RALGAPA2: variants seen among roughly 807,000 people sequenced by gnomAD.
RALGAPA2 encodes Ral GTPase activating protein catalytic subunit alpha 2, also known as ral GTPase-activating protein subunit alpha-2.
In RALGAPA2, 139 loss-of-function variants were observed where a neutral mutation model predicts 230.4. That is an observed-to-expected ratio of 0.60 (90% CI 0.53 to 0.69). RALGAPA2 has a LOEUF of 0.69. Among genes scored for constraint, RALGAPA2 ranks in the 30% least tolerant of loss-of-function variants. RALGAPA2 has a pLI of 0.00. For synonymous variants in RALGAPA2, 847 were observed against 837.8 expected (o/e 1.01, Z -0.19); for missense variants, 2,163 against 2,276.0 (o/e 0.95, Z 1.01).
intron 37 of RALGAPA2, among the ~76,000 whole-genome samples, chr20:20,431,870 A>G (rs1255988454): frequency 1.3e-5 from 2 of 152,214 alleles, no homozygotes; most frequent in East Asian, 1.9e-4. Context: ...CTCTCTATGC[A>G]GCCATAATGT....
chr20:20,645,890 T>C (rs1247513736), intron 4 of RALGAPA2, among the ~76,000 whole-genome samples: 1 of 151,958 alleles, frequency 6.6e-6, no homozygotes, highest in Non-Finnish European at 1.5e-5. Context: ...GCCGGGTATG[T>C]GGTAAGCACA....
chr20:20,497,276 T>C (rs1012169621), intron 35 of RALGAPA2, among the ~76,000 whole-genome samples: 1 of 152,196 alleles, frequency 6.6e-6, no homozygotes, highest in Non-Finnish European at 1.5e-5. Context: ...TTCAGTCCTT[T>C]TGAAGTGAAA....
chr20:20,595,719 C>T (rs368258890), intron 16 of RALGAPA2, among the ~76,000 whole-genome samples: 6 of 152,028 alleles, frequency 3.9e-5, no homozygotes, highest in South Asian at 4.1e-4. Context: ...TTTGGGAGGC[C>T]GAGGTGGGTA....
intron 33 of RALGAPA2, among the ~76,000 whole-genome samples, chr20:20,507,403 C>T (rs886456520): frequency 1.3e-5 from 2 of 152,136 alleles, no homozygotes; most frequent in South Asian, 4.1e-4. Flanking sequence ...AGTGCAATGG[C>T]GTGATCTTGG....
chr20:20,643,593 C>A, intron 4 of RALGAPA2, 44 bp from the exon 5 acceptor site: 1 of 1,349,740 alleles, frequency 7.4e-7, no homozygotes, highest in Non-Finnish European at 9.9e-7. Flanking sequence ...TATATAAATG[C>A]ATATCAAAGA....
intron 36 of RALGAPA2, among the ~76,000 whole-genome samples, chr20:20,486,437 T>C (rs998072925): frequency 1.3e-5 from 2 of 152,166 alleles, no homozygotes; most frequent in Non-Finnish European, 2.9e-5. Flanking sequence ...CTCTTCTTGA[T>C]CGCTCAGTTT....
intron 33 of RALGAPA2, among the ~76,000 whole-genome samples, chr20:20,509,732 C>T (rs1435666390): frequency 1.3e-5 from 2 of 152,162 alleles, no homozygotes; most frequent in South Asian, 2.1e-4. Context: ...AAAACTTATG[C>T]CCTTCTGATT....
At chr20:20,513,340 C>T in intron 31 of RALGAPA2, 56 bp from the exon 32 acceptor site, 1 of 1,188,280 alleles carries the variant, frequency 8.4e-7, no homozygotes, top group Non-Finnish European at 1.1e-6. Flanking sequence ...GATTAAAACT[C>T]AACACCTTTT....
At chr20:20,422,122 C>G (rs964322529) in intron 37 of RALGAPA2, among the ~76,000 whole-genome samples, 1 of 152,078 alleles carries the variant, frequency 6.6e-6, no homozygotes, top group Non-Finnish European at 1.5e-5. Flanking sequence ...CTGCTTGGGG[C>G]CAGAGGCAGG....
intron 37 of RALGAPA2, among the ~76,000 whole-genome samples, chr20:20,457,754 G>T (rs1344036946): frequency 6.6e-6 from 1 of 152,218 alleles, no homozygotes; most frequent in Non-Finnish European, 1.5e-5. Flanking sequence ...AGTAAAATCA[G>T]TGAATTACAT....
intron 37 of RALGAPA2, among the ~76,000 whole-genome samples, chr20:20,463,542 T>C (rs143109051): frequency 1.8e-4 from 27 of 152,362 alleles, no homozygotes; most frequent in African/African-American, 5.5e-4. Context: ...TGATTTTTAT[T>C]AGGATTCATT....
Position 20,603,705 on chromosome 20 carries a change from T to G in RALGAPA2, c.2038+1470A>C, listed in dbSNP as rs1197011764. Among the ~76,000 whole-genome samples the G allele has an allele frequency of 4.6e-5, 7 of 152,194 alleles. No homozygotes were observed. The East Asian group carries it at 1.2e-3, about 25-fold the overall frequency. On this transcript the variant is annotated intron_variant, in intron 15 of 39. Coordinates refer to ENST00000202677, the MANE Select transcript of RALGAPA2 (RefSeq NM_020343.4). ...CTGACTATTTCACAGCGTGGTTGACTGCAAACACAGAAGCAAAGACCAGCA... is the reference window on the plus strand; with the variant it reads ...CTGACTATTTCACAGCGTGGTTGACGGCAAACACAGAAGCAAAGACCAGCA...
intron 1 of RALGAPA2, among the ~76,000 whole-genome samples, chr20:20,685,762 G>A (rs1220569039): frequency 6.6e-6 from 1 of 152,198 alleles, no homozygotes; most frequent in African/African-American, 2.4e-5. Flanking sequence ...CCTGGAACTT[G>A]CCCCACAGCC....
chr20:20,485,958 G>A (rs752048040), intron 36 of RALGAPA2, among the ~76,000 whole-genome samples: 4 of 152,022 alleles, frequency 2.6e-5, no homozygotes, highest in Non-Finnish European at 5.9e-5. Flanking sequence ...TGGGCATCAT[G>A]GCAAAACCCT....
At chr20:20,666,267 T>G (rs978734500) in intron 3 of RALGAPA2, among the ~76,000 whole-genome samples, 1 of 152,236 alleles carries the variant, frequency 6.6e-6, no homozygotes, top group Non-Finnish European at 1.5e-5. Context: ...GAATTGATAG[T>G]GGCTTTTTCT....
At chr20:20,678,483 C>G (rs1455529442) in intron 2 of RALGAPA2, among the ~76,000 whole-genome samples, 1 of 151,690 alleles carries the variant, frequency 6.6e-6, no homozygotes, top group Non-Finnish European at 1.5e-5. Flanking sequence ...GATTTTTCCT[C>G]TCCACCTCAA....
rs773909950 is a variant in RALGAPA2, at chr20:20,536,666, T to C, written c.3404A>G (p.Glu1135Gly). The stretch of plus-strand genomic sequence containing the variant: ...AAATGCGTTATGTACCTTGACATCT[T>C]CAGTTCCTGTAATGGCCTCATTTAC... ...PEVNEAITGT[E>G]DVKHYLINIL... is the part of the protein sequence containing the mutation. The change falls in exon 25 of 40, where the codon GAA (glutamate) becomes GGA (glycine). Residue 1135 changes from glutamate (E) to glycine (G), a missense_variant. Transcript: ENST00000202677. The C allele has an allele frequency of 1.2e-6, 2 of 1,612,476 alleles. No individual in the cohort carries two copies. The highest frequency in any genetic ancestry group is 2.2e-5 in the South Asian group (2 of 91,034).
At chr20:20,479,025 T>C (rs1323611327) in intron 36 of RALGAPA2, among the ~76,000 whole-genome samples, 3 of 152,048 alleles carry the variant, frequency 2.0e-5, no homozygotes, top group Non-Finnish European at 4.4e-5. Flanking sequence ...GCCTATAAAT[T>C]TGAAAGTTTA....
chr20:20,394,095 G>A (rs1278089096), intron 39 of RALGAPA2, among the ~76,000 whole-genome samples: 1 of 152,216 alleles, frequency 6.6e-6, no homozygotes, highest in Admixed American at 6.5e-5. Flanking sequence ...TGATTCACTT[G>A]CAGGGCTTTG....
Sources: gnomAD v4.1 joint callset for allele counts (sites outside exome capture counted in the v4.1 genomes callset) on GRCh38, gnomAD v4.1.1 for gene constraint, MANE v1.5 for transcripts, NCBI Gene and HGNC (gene_info 2026-07-23, HGNC 2026-07-21) for gene names.